Variants in INPP4B observed in about 807,000 individuals in gnomAD.
INPP4B encodes the protein inositol polyphosphate 4-phosphatase type II.
A neutral mutation model predicts 122.5 loss-of-function variants in INPP4B; 55 were observed. That is an observed-to-expected ratio of 0.45 (90% CI 0.36 to 0.56). The LOEUF (loss-of-function observed/expected upper bound fraction) is 0.56, where lower values mean the gene tolerates loss of function less well. Ranked by LOEUF, INPP4B falls within the 20% of genes least tolerant of loss-of-function variation. The probability of loss-of-function intolerance (pLI) is 0.00; values close to 1 mark genes in which losing one functional copy is unlikely to be tolerated. For missense variants in INPP4B, 1,000 were observed against 1,097.7 expected, an observed-to-expected ratio of 0.91 and a Z score of 1.26; for synonymous variants, 403 against 388.7, an observed-to-expected ratio of 1.04 and a Z score of -0.43.
intron 17 of INPP4B, among the ~76,000 whole-genome samples, chr4:142,158,673 C>T (rs1818485521): frequency 6.6e-6 from 1 of 151,968 alleles, no homozygotes; most frequent in Admixed American, 6.6e-5. Context: ...ACTCTGAGCT[C>T]CAAGAACTAA....
intron 5 of INPP4B, among the ~76,000 whole-genome samples, chr4:142,415,861 G>C (rs1463312147): frequency 1.3e-5 from 2 of 152,054 alleles, no homozygotes; most frequent in African/African-American, 4.8e-5. Flanking sequence ...TAGGGACATG[G>C]ATGAAGCTGG....
intron 7 of INPP4B, among the ~76,000 whole-genome samples, chr4:142,358,564 C>G (rs1255208560): frequency 1.4e-5 from 2 of 147,096 alleles, no homozygotes. Flanking sequence ...TTCCCAGGAG[C>G]TTTTAAAAAA....
chr4:142,819,602 C>T (rs780447031), intron 1 of INPP4B, among the ~76,000 whole-genome samples: 2 of 152,124 alleles, frequency 1.3e-5, no homozygotes, highest in Non-Finnish European at 2.9e-5. Context: ...CAAATTCTAT[C>T]TGCATTCCTT....
chr4:142,644,494 G>T (rs1580603542), intron 2 of INPP4B, among the ~76,000 whole-genome samples: 1 of 151,638 alleles, frequency 6.6e-6, no homozygotes, highest in African/African-American at 2.4e-5. Flanking sequence ...TTTTTATTTT[G>T]CCAAACTTTG....
At chr4:142,501,423 T>G (rs1823359165) in intron 2 of INPP4B, among the ~76,000 whole-genome samples, 1 of 152,142 alleles carries the variant, frequency 6.6e-6, no homozygotes, top group Non-Finnish European at 1.5e-5. Flanking sequence ...CCCACTTGAT[T>G]TCCAAACTAA....
In INPP4B at chr4:142,123,347, C is replaced by A. The variant is rs759487611; in HGVS notation, c.1962G>T (p.Gln654His). The change falls in exon 20 of 26, where the codon CAG becomes CAT. Residue 654 changes from glutamine to histidine, a missense_variant. Coordinates refer to ENST00000262992, the MANE Select transcript of INPP4B (RefSeq NM_001101669.3). ...CTATCAACCCCACTGTGTGAAGCTGCTGTAGGAAGCCTGGGTCATACAGAC... is the reference window on the plus strand; with the variant it reads ...CTATCAACCCCACTGTGTGAAGCTGATGTAGGAAGCCTGGGTCATACAGAC... ...QTSLYDPGFL[Q>H]QLHTVGLIVQ... The A allele has an allele frequency of 6.2e-7, 1 of 1,612,888 alleles. No homozygotes were observed.
At position 142,187,866 on chromosome 4, in the gene INPP4B, G is replaced by T. The variant is rs535807738; in HGVS notation, c.1181+5221C>A. Among the ~76,000 whole-genome samples the T allele has an allele frequency of 2.6e-5, 4 of 152,110 alleles. No homozygotes were observed. In the South Asian group the frequency reaches 8.3e-4, roughly 32 times the overall value. On this transcript the variant is annotated intron_variant, in intron 15 of 25. Coordinates refer to ENST00000262992, the MANE Select transcript of INPP4B (RefSeq NM_001101669.3). The stretch of plus-strand genomic sequence containing the variant: ...TGGCCTCGGCCTCCCAAAGTCCTGG[G>T]ATTACAGGCATGAGCCATCATGCCT...
chr4:142,457,575 T>A (rs1815725878), intron 3 of INPP4B, among the ~76,000 whole-genome samples: 1 of 152,140 alleles, frequency 6.6e-6, no homozygotes, highest in African/African-American at 2.4e-5. Flanking sequence ...ATATATAAAT[T>A]AAAACAACAG....
chr4:142,656,319 G>A (rs1272122611), intron 2 of INPP4B, among the ~76,000 whole-genome samples: 1 of 152,186 alleles, frequency 6.6e-6, no homozygotes, highest in Non-Finnish European at 1.5e-5. Flanking sequence ...GTCTGTAGCA[G>A]AACTAAGGAA....
At chr4:142,642,333 G>A (rs1311321531) in intron 2 of INPP4B, among the ~76,000 whole-genome samples, 3 of 152,152 alleles carry the variant, frequency 2.0e-5, no homozygotes, top group Non-Finnish European at 4.4e-5. Flanking sequence ...TAGACATGAA[G>A]TCTTTGCACA....
At chr4:142,032,894 A>G (rs554715058) in intron 25 of INPP4B, among the ~76,000 whole-genome samples, 2 of 152,180 alleles carry the variant, frequency 1.3e-5, no homozygotes, top group East Asian at 3.9e-4. Context: ...ACATCTTGGT[A>G]GTGTACCCAG....
chr4:142,843,450 A>T (rs1225373984), intron 1 of INPP4B, among the ~76,000 whole-genome samples: 1 of 151,912 alleles, frequency 6.6e-6, no homozygotes, highest in African/African-American at 2.4e-5. Flanking sequence ...TTGAAAAACT[A>T]AGGTACATAA....
chr4:142,041,570 A>T (rs923077514), intron 25 of INPP4B, among the ~76,000 whole-genome samples: 2 of 152,134 alleles, frequency 1.3e-5, no homozygotes, highest in African/African-American at 4.8e-5. Flanking sequence ...GTGAGCCGAG[A>T]TCAGGTCATT....
intron 12 of INPP4B, among the ~76,000 whole-genome samples, chr4:142,219,201 T>C (rs1456414418): frequency 6.6e-6 from 1 of 152,204 alleles, no homozygotes; most frequent in Non-Finnish European, 1.5e-5. Flanking sequence ...CAATAAAGCC[T>C]CAAGTTATAT....
chr4:142,723,003 A>C (rs1402670834), intron 2 of INPP4B, among the ~76,000 whole-genome samples: 12 of 146,104 alleles, frequency 8.2e-5, no homozygotes, highest in Non-Finnish European at 1.8e-4. Context: ...AAATCTCAAC[A>C]TGTATCACAT....
At position 142,551,082 on chromosome 4, in the gene INPP4B, G is replaced by A. The variant is rs540064869; in HGVS notation, c.-190-88356C>T. Among the ~76,000 whole-genome samples, 25 of 152,274 alleles carry A rather than the reference G, an allele frequency of 1.6e-4. 2 individuals are homozygous for A. In the South Asian group the frequency reaches 5.0e-3, roughly 30 times the overall value. On this transcript the variant is annotated intron_variant, in intron 2 of 25. Transcript: ENST00000262992. ...CATGGAAACAAAGGAAAGAGGAGGCGACTCTGCCCAGAAGAAGCAACCATT... is the reference window on the plus strand; with the variant it reads ...CATGGAAACAAAGGAAAGAGGAGGCAACTCTGCCCAGAAGAAGCAACCATT...
chr4:142,367,922 T>C (rs910173146), intron 7 of INPP4B, among the ~76,000 whole-genome samples: 2 of 152,130 alleles, frequency 1.3e-5, no homozygotes, highest in Admixed American at 6.6e-5. Context: ...AAACAGGAAG[T>C]TGGAAATATT....
chr4:142,085,424 G>T lies in INPP4B; in HGVS notation c.2487+720C>A, dbSNP rs542023900. Among the ~76,000 whole-genome samples, 4 of 152,254 alleles carry T rather than the reference G, an allele frequency of 2.6e-5. No homozygotes were observed. In the South Asian group the frequency reaches 8.3e-4, roughly 32 times the overall value. On this transcript the variant is annotated intron_variant, in intron 24 of 25. Transcript: ENST00000262992. ...ATCTTTAACATGTACCTTTCCTGAT[G>T]GAAGGATGCATTCCTAATGAAAGGA... is the stretch of plus-strand genomic sequence containing the variant.
At chr4:142,161,061 A>T (rs757813376) in intron 16 of INPP4B, among the ~76,000 whole-genome samples, 26 of 151,712 alleles carry the variant, frequency 1.7e-4, no homozygotes, top group Non-Finnish European at 2.9e-4. Flanking sequence ...TTTTTTTTTT[A>T]GTGTCATAAA....
Sources: allele counts gnomAD v4.1 joint callset (sites outside exome capture counted in the v4.1 genomes callset), GRCh38; gene constraint gnomAD v4.1.1; transcripts MANE v1.5; gene names NCBI Gene and HGNC (gene_info 2026-07-23, HGNC 2026-07-21).